ROBO2: variants seen among roughly 807,000 people sequenced by gnomAD.
The protein encoded by ROBO2 is roundabout homolog 2.
ROBO2 carries 53 observed loss-of-function variants against 160.8 expected under a neutral mutation model. The observed-to-expected ratio is 0.33, with a 90% CI of 0.26 to 0.41. The LOEUF (loss-of-function observed/expected upper bound fraction) is 0.41. Ranked by LOEUF, ROBO2 falls within the 10% of genes least tolerant of loss-of-function variation. The pLI is 1.00. For synonymous variants in ROBO2, 664 were observed against 611.7 expected (o/e 1.09, Z -1.26); for missense variants, 1,577 against 1,722.4 (o/e 0.92, Z 1.49).
At chr3:76,629,255 G>A (rs542683132) in intron 2 of ROBO2, among the ~76,000 whole-genome samples, 16 of 152,284 alleles carry the variant, frequency 1.1e-4, no homozygotes, top group South Asian at 4.1e-4. Flanking sequence ...CCAAAATATA[G>A]TAACAATTTT....
At chr3:77,605,906 A>C (rs867511465) in intron 20 of ROBO2, among the ~76,000 whole-genome samples, 5 of 152,200 alleles carry the variant, frequency 3.3e-5, no homozygotes, top group African/African-American at 1.2e-4. Context: ...GGAATAAAGG[A>C]GGTGAAACTA....
intron 2 of ROBO2, among the ~76,000 whole-genome samples, chr3:77,217,879 A>T: frequency 6.6e-6 from 1 of 152,242 alleles, no homozygotes; most frequent in East Asian, 1.9e-4. Context: ...CAAGGACAAA[A>T]GAACCGAAAA....
chr3:77,321,617 T>C (rs1350976252), intron 2 of ROBO2, among the ~76,000 whole-genome samples: 1 of 152,090 alleles, frequency 6.6e-6, no homozygotes, highest in East Asian at 1.9e-4. Context: ...AGTATTAGAA[T>C]TTAAAGGGCA....
chr3:77,453,096 A>G (rs77218553), intron 2 of ROBO2, among the ~76,000 whole-genome samples: 99 of 152,264 alleles, frequency 6.5e-4, no homozygotes, highest in African/African-American at 2.0e-3. Context: ...CCATTTAAAA[A>G]TCTTACCAAC....
At chr3:76,352,577 G>A (rs2074942031) in intron 2 of ROBO2, among the ~76,000 whole-genome samples, 1 of 151,878 alleles carries the variant, frequency 6.6e-6, no homozygotes, top group Non-Finnish European at 1.5e-5. Context: ...GGTTTCTTTA[G>A]TATAGTATTT....
chr3:77,392,189 G>A (rs1332864502), intron 2 of ROBO2, among the ~76,000 whole-genome samples: 1 of 152,108 alleles, frequency 6.6e-6, no homozygotes, highest in Non-Finnish European at 1.5e-5. Flanking sequence ...GTAAACATGA[G>A]GTATTGCTAC....
intron 2 of ROBO2, among the ~76,000 whole-genome samples, chr3:76,027,936 G>A (rs1378556754): frequency 3.3e-5 from 5 of 151,912 alleles, no homozygotes; most frequent in African/African-American, 7.2e-5. Flanking sequence ...GAAACATCAA[G>A]CAACCTATTT....
At chr3:76,791,893 A>G (rs72898125) in intron 2 of ROBO2, among the ~76,000 whole-genome samples, 1,612 of 151,980 alleles carry the variant, frequency 0.011, 23 homozygotes, top group African/African-American at 0.036. Flanking sequence ...AGCTATTTAC[A>G]TAGCCTTTTA....
At chr3:77,147,294 G>C (rs1047770523) in intron 2 of ROBO2, among the ~76,000 whole-genome samples, 3 of 152,208 alleles carry the variant, frequency 2.0e-5, no homozygotes, top group South Asian at 2.1e-4. Context: ...CTGAAGCTCA[G>C]TATCTTCATC....
intron 2 of ROBO2, among the ~76,000 whole-genome samples, chr3:76,961,563 C>T (rs1024251929): frequency 5.3e-5 from 8 of 152,060 alleles, no homozygotes; most frequent in African/African-American, 1.9e-4. Context: ...TGGAAGTGAA[C>T]ACACAGTGGA....
chr3:77,170,926 A>C (rs2079573016), intron 2 of ROBO2, among the ~76,000 whole-genome samples: 3 of 152,164 alleles, frequency 2.0e-5, no homozygotes, highest in South Asian at 4.1e-4. Flanking sequence ...AAATACAAGC[A>C]GAGGGTGCTT....
At chr3:76,979,534 A>G (rs960432594) in intron 2 of ROBO2, among the ~76,000 whole-genome samples, 2 of 151,950 alleles carry the variant, frequency 1.3e-5, no homozygotes, top group Non-Finnish European at 2.9e-5. Context: ...TGTTGCTTCA[A>G]AAGACATGAT....
At chr3:76,253,382 C>A (rs555573522) in intron 2 of ROBO2, among the ~76,000 whole-genome samples, 1 of 151,972 alleles carries the variant, frequency 6.6e-6, no homozygotes, top group Admixed American at 6.6e-5. Context: ...AGGTGATTCC[C>A]CCACCTCAGC....
chr3:76,615,388 G>A (rs891326973), intron 2 of ROBO2, among the ~76,000 whole-genome samples: 1 of 152,068 alleles, frequency 6.6e-6, no homozygotes, highest in African/African-American at 2.4e-5. Flanking sequence ...GGGTAACTGA[G>A]ATCAAATTGT....
rs1363310223 is a variant in ROBO2 at position 77,512,575 on chromosome 3, G to T, written c.807-10200G>T. 2.0e-5 allele frequency among the ~76,000 whole-genome samples: 3 copies of T among 151,876 alleles called. No homozygotes were observed. In the East Asian group the frequency reaches 5.8e-4, roughly 29 times the overall value. On this transcript the variant is annotated intron_variant, in intron 5 of 25. Coordinates refer to ENST00000461745, the Ensembl canonical transcript of ROBO2. ...TGTATGTATAAAAAATCAGTACAGGGTTCCATAAGATGAATAAGTGATTTT... is the reference window on the plus strand; with the variant it reads ...TGTATGTATAAAAAATCAGTACAGGTTTCCATAAGATGAATAAGTGATTTT...
chr3:77,231,405 C>T (rs1034578768), intron 2 of ROBO2, among the ~76,000 whole-genome samples: 1 of 143,592 alleles, frequency 7.0e-6, no homozygotes, highest in Admixed American at 6.9e-5. Flanking sequence ...CTAAAAGACA[C>T]TAAGCTAAAA....
At chr3:77,036,394 TA>T (rs1378361179), upstream of ROBO2, among the ~76,000 whole-genome samples, 1 of 151,782 alleles carries the variant, frequency 6.6e-6, no homozygotes, top group Non-Finnish European at 1.5e-5. Context: ...TTGAAAAGAG[TA>T]AAAAAGTGGA....
intron 2 of ROBO2, among the ~76,000 whole-genome samples, chr3:76,151,696 C>G (rs527483618): frequency 1.3e-5 from 2 of 152,232 alleles, no homozygotes; most frequent in African/African-American, 2.4e-5. Context: ...AGTTCCATAG[C>G]CTTTCCTCAA....
rs146334750 is a variant in ROBO2, at chr3:76,653,139, A to G, written c.110-444875A>G. 2.5e-3 allele frequency among the ~76,000 whole-genome samples: 383 copies of G among 152,040 alleles called. 4 individuals are homozygous for G. Among genetic ancestry groups the G allele is most frequent in the East Asian group, 4.6e-3 (24 of 5,166 alleles). On this transcript the variant is annotated intron_variant, in intron 2 of 26. Transcript: ENST00000487694. Reference sequence around the variant, plus strand: ...AACTTACTAACACACACATCCTACCATCTTCCCTTAGGTCAACATTATTGT... The same window carrying G: ...AACTTACTAACACACACATCCTACCGTCTTCCCTTAGGTCAACATTATTGT...
Sources: allele counts gnomAD v4.1 joint callset (sites outside exome capture counted in the v4.1 genomes callset), GRCh38; gene constraint gnomAD v4.1.1; transcripts MANE v1.5; gene names NCBI Gene and HGNC (gene_info 2026-07-23, HGNC 2026-07-21).